Variants in PYGM observed in about 807,000 individuals in gnomAD.
PYGM encodes the protein glycogen phosphorylase, muscle form.
In PYGM, 81 loss-of-function variants were observed where a neutral mutation model predicts 99.3. That is an observed-to-expected ratio of 0.82 (90% CI 0.68 to 0.98). The LOEUF is 0.98. PYGM is among the 50% of genes least tolerant of loss of function. The pLI is 0.00. For missense variants in PYGM, 1,030 were observed against 1,158.1 expected, an observed-to-expected ratio of 0.89 and a Z score of 1.61; for synonymous variants, 436 against 451.5, an observed-to-expected ratio of 0.97 and a Z score of 0.44.
chr11:64,754,565 C>A lies in PYGM; in HGVS notation c.999+128G>T. 2 of 1,377,974 alleles carry A rather than the reference C, an allele frequency of 1.5e-6. No homozygotes were observed. The highest frequency in any genetic ancestry group is 1.3e-5 in the South Asian group (1 of 78,294). The allele number at this position is 1,377,974 out of a possible 1,614,324, so 85.4% of individuals were successfully genotyped here. A position where few individuals can be genotyped will look rare whatever the true frequency, so the allele number is the denominator to read the frequency against. On this transcript the variant is annotated intron_variant, in intron 8 of 19. Transcript: ENST00000164139. This position sits in a 1 kb window ranked among gnomAD's most constrained non-coding sequence, Gnocchi z 5.5. ...GAGCCTGTGGATTGTGAATCCTGAACAACTGACCCTCCCACACTCCCAGTC... is the reference window on the plus strand; with the variant it reads ...GAGCCTGTGGATTGTGAATCCTGAAAAACTGACCCTCCCACACTCCCAGTC...
rs377599118 is a variant in PYGM, at chr11:64,753,569, G to T, written c.1353C>A (p.His451Gln). The T allele has an allele frequency of 3.1e-6, 5 of 1,603,692 alleles. No homozygotes were observed. The East Asian group carries it at 1.1e-4, about 36-fold the overall frequency. ...GGATGCGCGCCACGCCGTTGACGGC[G>T]TGCGACCCCGCGATGCACAGGTGTG... ...NMAHLCIAGS[H>Q]AVNGVARIHS... The change falls in exon 11 of 20, where the codon CAC (histidine) becomes CAA (glutamine). Residue 451 changes from histidine to glutamine, a missense_variant. By Grantham distance (24) the His-to-Gln change is conservative (BLOSUM62 0). Transcript: ENST00000164139.
chr11:64,758,552 G>A lies in PYGM; in HGVS notation c.346-37C>T, dbSNP rs1350708213. The stretch of plus-strand genomic sequence containing the variant: ...AGGGTGACAGTGGTCAGGGTCAAGT[G>A]TCAGCAGTGGAATCCCCCAGTCCCC... On this transcript the variant is annotated intron_variant, in intron 2 of 19. Coordinates refer to ENST00000164139, the MANE Select transcript of PYGM (RefSeq NM_005609.4). 8 of 1,613,744 alleles carry A rather than the reference G, an allele frequency of 5.0e-6. No individual in the cohort carries two copies. The Admixed American group carries it at 5.0e-5, about 10-fold the overall frequency.
intron 1 of PYGM, 131 bp from the exon 2 acceptor site, chr11:64,758,835 T>C (rs1332388274): frequency 3.7e-6 from 3 of 816,248 alleles, no homozygotes; most frequent in Admixed American, 3.9e-5. Context: ...CCAATTTGTT[T>C]CTCCCTGTCT....
At chr11:64,753,312 G>C in intron 11 of PYGM, 125 bp from the exon 12 acceptor site, 1 of 1,215,606 alleles carries the variant, frequency 8.2e-7, no homozygotes, top group East Asian at 2.3e-5. Flanking sequence ...CCTGGGGAAG[G>C]TTGGGGGTGC....
chr11:64,753,658 C>T lies in PYGM; in HGVS notation c.1264G>A (p.Asp422Asn), dbSNP rs562393971. ...LNRVAAAFPG[D>N]VDRLRRMSLV... ...GACATGCGCCGCAGCCGGTCTACGTCCCCTGGGAATGCGGCCGCCACCCGC... is the reference window on the plus strand; with the variant it reads ...GACATGCGCCGCAGCCGGTCTACGTTCCCTGGGAATGCGGCCGCCACCCGC... Residue 422 changes from aspartate (D) to asparagine (N), a missense_variant, in exon 11 of 20, where the codon GAC becomes AAC. Transcript: ENST00000164139. The T allele has an allele frequency of 2.5e-6, 4 of 1,608,810 alleles. No individual in the cohort carries two copies. In the African/African-American group the frequency reaches 4.0e-5, roughly 16 times the overall value.
chr11:64,757,333 C>T (rs1009023865), intron 5 of PYGM, among the ~76,000 whole-genome samples: 22 of 152,288 alleles, frequency 1.4e-4, no homozygotes, highest in Middle Eastern at 3.4e-3. Flanking sequence ...GCTGGGATTA[C>T]GGGCATGAGC....
At chr11:64,752,206 G>A in intron 13 of PYGM, 135 bp from the exon 14 acceptor site, 2 of 1,375,726 alleles carry the variant, frequency 1.5e-6, no homozygotes, top group Non-Finnish European at 2.1e-6. Flanking sequence ...CTGTACCAGG[G>A]CAGACATTGC....
intron 17 of PYGM, among the ~76,000 whole-genome samples, chr11:64,749,566 C>A (rs573677640): frequency 6.6e-6 from 1 of 150,826 alleles, no homozygotes; most frequent in African/African-American, 2.4e-5. Flanking sequence ...GGTGTGAACC[C>A]AGGAGGCGGA....
At chr11:64,760,151 G>A (rs994880080), upstream of PYGM, 5 of 555,122 alleles carry the variant, frequency 9.0e-6, no homozygotes, top group African/African-American at 9.5e-5. Flanking sequence ...GGCCTGGCTT[G>A]TTCACAGGCC....
At position 64,754,585 on chromosome 11, in the gene PYGM, C is replaced by T. The variant is rs1592412396; in HGVS notation, c.999+108G>A. 4 of 1,464,876 alleles carry T rather than the reference C, an allele frequency of 2.7e-6. No individual in the cohort carries two copies. In the East Asian group the frequency reaches 7.3e-5, roughly 27 times the overall value. The allele number at this position is 1,464,876 out of a possible 1,614,324, so 90.7% of individuals were successfully genotyped here. A position where few individuals can be genotyped will look rare whatever the true frequency, so the allele number is the denominator to read the frequency against. On this transcript the variant is annotated intron_variant, in intron 8 of 19. Coordinates refer to ENST00000164139, the MANE Select transcript of PYGM (RefSeq NM_005609.4). This position sits in a 1 kb window ranked among gnomAD's most constrained non-coding sequence, Gnocchi z 5.5. ...CTGAACAACTGACCCTCCCACACTC[C>T]CAGTCTCCACTCCCTTATCTATTAC...
chr11:64,758,000 G>C, intron 4 of PYGM, 90 bp from the exon 5 acceptor site: 1 of 1,563,520 alleles, frequency 6.4e-7, no homozygotes, highest in East Asian at 2.3e-5. Context: ...GCCGTGGGCC[G>C]GTGTACCCTA....
Position 64,746,597 on chromosome 11 carries a change from C to T in PYGM, c.*62G>A, listed in dbSNP as rs1372001451. On this transcript the variant is annotated 3_prime_UTR_variant, in exon 20 of 20. Transcript: ENST00000164139. ...AGTACCCCACCCTCTGCATGAGGTGCTGGGGCTGGCCCAAGAGAGTGTGAC... is the reference window on the plus strand; with the variant it reads ...AGTACCCCACCCTCTGCATGAGGTGTTGGGGCTGGCCCAAGAGAGTGTGAC... 6.2e-7 allele frequency: 1 copy of T among 1,605,246 alleles called. No homozygotes were observed.
Position 64,753,166 on chromosome 11 carries a change from C to G in PYGM, c.1425G>C (p.Leu475=). Residue 475 remains leucine, a synonymous_variant, in exon 12 of 20, where the codon CTG becomes CTC. Coordinates refer to ENST00000164139, the MANE Select transcript of PYGM (RefSeq NM_005609.4). ...TCTTATTCTGGAACTTATGAGGCTCCAGCTCATAGAAGTCTTTGAAGCTGC... is the reference window on the plus strand; with the variant it reads ...TCTTATTCTGGAACTTATGAGGCTCGAGCTCATAGAAGTCTTTGAAGCTGC... ...KKTIFKDFYE[L]EPHKFQNKTN... 1 of 1,612,900 alleles carries G rather than the reference C, an allele frequency of 6.2e-7. No individual in the cohort carries two copies. The highest frequency in any genetic ancestry group is 8.5e-7 in the Non-Finnish European group (1 of 1,178,928).
chr11:64,760,369 CCT>C (rs2058426843), upstream of PYGM: 1 of 192,364 alleles, frequency 5.2e-6, no homozygotes, highest in South Asian at 1.0e-4. Context: ...GTCAGTGTCC[CCT>C]GACGGAAGAG....
At chr11:64,753,852 C>A in intron 10 of PYGM, 27 bp downstream of exon 10, 1 of 1,555,480 alleles carries the variant, frequency 6.4e-7, no homozygotes, top group Non-Finnish European at 8.7e-7. Context: ...CTCACCCCCA[C>A]ACCATCCCCC....
rs2058389683 is a variant in PYGM at position 64,755,614 on chromosome 11, C to T, written c.661-56G>A. The T allele has an allele frequency of 2.1e-6, 3 of 1,404,468 alleles. No individual in the cohort carries two copies. The highest frequency in any genetic ancestry group is 2.8e-5 in the African/African-American group (2 of 70,382). 87.0% of individuals were successfully genotyped at this position (1,404,468 alleles called of 1,614,324 possible). A position where few individuals can be genotyped will look rare whatever the true frequency, so the allele number is the denominator to read the frequency against. Reference sequence around the variant, plus strand: ...CAGCCCTGGCAATTGCCTCCCTCCCCTCAGGGCTGGGACTCAAGGCTTTAT... The same window carrying T: ...CAGCCCTGGCAATTGCCTCCCTCCCTTCAGGGCTGGGACTCAAGGCTTTAT... On this transcript the variant is annotated intron_variant, in intron 5 of 19. Transcript: ENST00000164139. The surrounding 1 kb of genome is among the most constrained non-coding windows in gnomAD (Gnocchi z 4.1).
Position 64,755,614 on chromosome 11 carries a change from C to A in PYGM, c.661-56G>T. The A allele has an allele frequency of 1.4e-6, 2 of 1,404,584 alleles. No individual in the cohort carries two copies. The highest frequency in any genetic ancestry group is 2.0e-6 in the Non-Finnish European group (2 of 996,730). 87.0% of individuals were successfully genotyped at this position (1,404,584 alleles called of 1,614,324 possible). On this transcript the variant is annotated intron_variant, in intron 5 of 19. Transcript: ENST00000164139. This position sits in a 1 kb window ranked among gnomAD's most constrained non-coding sequence, Gnocchi z 4.1. ...CAGCCCTGGCAATTGCCTCCCTCCCCTCAGGGCTGGGACTCAAGGCTTTAT... is the reference window on the plus strand; with the variant it reads ...CAGCCCTGGCAATTGCCTCCCTCCCATCAGGGCTGGGACTCAAGGCTTTAT...
At chr11:64,756,083 G>A (rs1010538143) in intron 5 of PYGM, among the ~76,000 whole-genome samples, 10 of 152,200 alleles carry the variant, frequency 6.6e-5, no homozygotes, top group South Asian at 2.1e-4. Context: ...CTGCTACCAC[G>A]GTGCCAGGGG....
chr11:64,754,108 C>T lies in PYGM; in HGVS notation c.1093-83G>A, dbSNP rs536500841. 2 of 1,603,422 alleles carry T rather than the reference C, an allele frequency of 1.2e-6. No homozygotes were observed. The highest frequency in any genetic ancestry group is 1.7e-5 in the Admixed American group (1 of 59,386). On this transcript the variant is annotated intron_variant, in intron 9 of 19. Coordinates refer to ENST00000164139, the MANE Select transcript of PYGM (RefSeq NM_005609.4). The surrounding 1 kb of genome is among the most constrained non-coding windows in gnomAD (Gnocchi z 5.5). Reference sequence around the variant, plus strand: ...CACTACGCATCCCAGTGGGCCCCCCCACTGCAGTGCCAGGTTCCAGGACGG... The same window carrying T: ...CACTACGCATCCCAGTGGGCCCCCCTACTGCAGTGCCAGGTTCCAGGACGG...
Sources: gnomAD v4.1 joint callset for allele counts (sites outside exome capture counted in the v4.1 genomes callset) on GRCh38, gnomAD v4.1.1 for gene constraint, Gnocchi (gnomAD v3.1) non-coding constraint, MANE v1.5 for transcripts, NCBI Gene and HGNC (gene_info 2026-07-23, HGNC 2026-07-21) for gene names.